Variants in SYNE1 observed in about 807,000 individuals in gnomAD.
The protein encoded by SYNE1 is nesprin-1.
A neutral mutation model predicts 1,111.0 loss-of-function variants in SYNE1; 616 were observed. The ratio of observed to expected loss-of-function variants is 0.55; its 90% confidence interval spans 0.52 to 0.59. The LOEUF (loss-of-function observed/expected upper bound fraction) is 0.59, where lower values mean the gene tolerates loss of function less well. SYNE1 is among the 20% of genes least tolerant of loss of function. The pLI is 0.00. For synonymous variants in SYNE1, 3,855 were observed against 3,825.8 expected, an observed-to-expected ratio of 1.01 and a Z score of -0.28; for missense variants, 10,006 against 10,417.0, an observed-to-expected ratio of 0.96 and a Z score of 1.72.
intron 63 of SYNE1, among the ~76,000 whole-genome samples, chr6:152,363,532 AATAAATAAATATAAAAAT>A (rs1392987736): frequency 3.4e-5 from 5 of 147,088 alleles, no homozygotes; most frequent in Non-Finnish European, 7.6e-5. Flanking sequence ...TAAATAAATA[AATAAATAAATATAAAAAT>A]AAATAAATTC....
chr6:152,200,061 C>T (rs748648452), intron 127 of SYNE1, among the ~76,000 whole-genome samples: 4 of 152,204 alleles, frequency 2.6e-5, no homozygotes, highest in East Asian at 1.9e-4. Flanking sequence ...CTTTTCACAC[C>T]GATTTCTACC....
chr6:152,532,356 T>G (rs2099207400), intron 4 of SYNE1, among the ~76,000 whole-genome samples: 1 of 152,242 alleles, frequency 6.6e-6, no homozygotes, highest in Non-Finnish European at 1.5e-5. Flanking sequence ...AAATGGTTTT[T>G]ACTTTTGAGA....
intron 3 of SYNE1, among the ~76,000 whole-genome samples, chr6:152,581,002 T>A (rs1449104773): frequency 6.6e-6 from 1 of 152,218 alleles, no homozygotes; most frequent in East Asian, 1.9e-4. Flanking sequence ...CTTGGCTTCT[T>A]ATACAATGTG....
intron 101 of SYNE1, among the ~76,000 whole-genome samples, chr6:152,261,091 T>A (rs1294385404): frequency 6.6e-6 from 1 of 152,164 alleles, no homozygotes; most frequent in South Asian, 2.1e-4. Context: ...ATTGACACCC[T>A]TTGCTTCTGG....
intron 132 of SYNE1, chr6:152,155,482 T>G (rs750845275): frequency 2.0e-4 from 61 of 312,460 alleles, no homozygotes; most frequent in Non-Finnish European, 3.6e-4. Context: ...TATTAAGCTT[T>G]CAACAGTTTA....
chr6:152,309,956 C>A lies in SYNE1; in HGVS notation c.17081G>T (p.Ser5694Ile), dbSNP rs2095498288. The A allele has an allele frequency of 6.2e-7, 1 of 1,614,016 alleles. No homozygotes were observed. Among genetic ancestry groups the A allele is most frequent in the African/African-American group, 1.3e-5 (1 of 74,912 alleles). Residue 5694 changes from serine (S) to isoleucine (I), a missense_variant, in exon 90 of 146, where the codon AGT becomes ATT. Transcript: ENST00000367255. ...CACATCCTCGGGGATCCGGAGGGCA[C>A]TCTGGCAGAGCTGCACTGCTTGCAC... ...PKVQAVQLCQSALRIPEDVVA... is the reference protein window; with the variant it reads ...PKVQAVQLCQIALRIPEDVVA...
chr6:152,310,910 C>A, intron 87 of SYNE1, 37 bp from the exon 88 acceptor site: 1 of 1,596,088 alleles, frequency 6.3e-7, no homozygotes, highest in Non-Finnish European at 8.6e-7. Context: ...CATTGACGGG[C>A]AGGTAGAGGG....
At position 152,350,692 on chromosome 6, in the gene SYNE1, C is replaced by G. The variant is rs753931727; in HGVS notation, c.11659G>C (p.Val3887Leu). ...REKGEALLEL[V>L]QDVTLKDKID... ...TTGTCCTTTAAAGTGACGTCCTGCACCAGTTCCAAAAGAGCTTCACCCTTC... is the reference window on the plus strand; with the variant it reads ...TTGTCCTTTAAAGTGACGTCCTGCAGCAGTTCCAAAAGAGCTTCACCCTTC... The change falls in exon 71 of 146, where the codon GTG becomes CTG. Residue 3887 changes from valine (V) to leucine (L), a missense_variant. This residue lies in a region of SYNE1 where 4,955 missense variants were observed against 5,017.2 expected (regional missense o/e 0.99). Coordinates refer to ENST00000367255, the MANE Select transcript of SYNE1 (RefSeq NM_182961.4). 6.8e-6 allele frequency: 11 copies of G among 1,613,990 alleles called. No individual in the cohort carries two copies. The highest frequency in any genetic ancestry group is 1.7e-5 in the Admixed American group (1 of 59,988).
intron 4 of SYNE1, among the ~76,000 whole-genome samples, chr6:152,531,571 T>A (rs1166569279): frequency 6.6e-6 from 1 of 152,208 alleles, no homozygotes; most frequent in Non-Finnish European, 1.5e-5. Flanking sequence ...TGTTAAATAT[T>A]TCCACATTAT....
At chr6:152,166,339 G>T (rs2673784) in intron 130 of SYNE1, among the ~76,000 whole-genome samples, 54,026 of 152,050 alleles carry the variant, frequency 0.36, 9,949 homozygotes, top group Middle Eastern at 0.45. Context: ...TATTCTAAGC[G>T]AATTGTGTTT....
chr6:152,463,435 T>C lies in SYNE1; in HGVS notation c.2015A>G (p.Asp672Gly), dbSNP rs761000192. The C allele has an allele frequency of 6.2e-7, 1 of 1,613,758 alleles. No homozygotes were observed. Among genetic ancestry groups the C allele is most frequent in the Non-Finnish European group, 8.5e-7 (1 of 1,179,790 alleles). ...CTTCAGGTCACGGGAAACCATCTCA[T>C]CACAGGTTTCAATTAGAAAATTGCC... is the stretch of plus-strand genomic sequence containing the variant. Reference protein sequence around the residue: ...DAGNFLIETCDEMVSRDLKQQ... With the variant: ...DAGNFLIETCGEMVSRDLKQQ... The change falls in exon 19 of 146, where the codon GAT (aspartate) becomes GGT (glycine). Residue 672 changes from aspartate (D) to glycine (G), a missense_variant. By Grantham distance (94) the Asp-to-Gly change is moderately conservative. Transcript: ENST00000367255.
intron 56 of SYNE1, among the ~76,000 whole-genome samples, 157 bp downstream of exon 56, chr6:152,380,849 A>T (rs577026167): frequency 6.6e-6 from 1 of 152,382 alleles, no homozygotes; most frequent in African/African-American, 2.4e-5. Flanking sequence ...TAAGAAAAGG[A>T]AACAAATCAG....
intron 3 of SYNE1, among the ~76,000 whole-genome samples, chr6:152,599,027 T>A (rs144348954): frequency 8.3e-4 from 126 of 152,336 alleles, no homozygotes; most frequent in African/African-American, 2.9e-3. Context: ...AACAAACATC[T>A]GGATTTAATT....
In SYNE1 at chr6:152,284,043, T is replaced by C. The variant is rs775584621; in HGVS notation, c.18142A>G (p.Thr6048Ala). The change falls in exon 96 of 146, where the codon ACT becomes GCT. Residue 6048 changes from threonine (T) to alanine (A), a missense_variant. By Grantham distance (58) the Thr-to-Ala change is moderately conservative (BLOSUM62 0). Transcript: ENST00000367255. Reference sequence around the variant, plus strand: ...GTGGACATTCGCTCGGCTAAGACAGTGAGCGTGGACTGCAAGGCCAGCTGC... The same window carrying C: ...GTGGACATTCGCTCGGCTAAGACAGCGAGCGTGGACTGCAAGGCCAGCTGC... ...AEQLALQSTLTVLAERMSTIR... is the reference protein window; with the variant it reads ...AEQLALQSTLAVLAERMSTIR... The C allele has an allele frequency of 6.2e-7, 1 of 1,614,234 alleles. No individual in the cohort carries two copies. Among genetic ancestry groups the C allele is most frequent in the East Asian group, 2.2e-5 (1 of 44,890 alleles).
Position 152,239,675 on chromosome 6 carries a change from A to G in SYNE1, c.19925T>C (p.Ile6642Thr). The G allele has an allele frequency of 6.2e-7, 1 of 1,614,202 alleles. No homozygotes were observed. Among genetic ancestry groups the G allele is most frequent in the African/African-American group, 1.3e-5 (1 of 75,060 alleles). The change falls in exon 108 of 146, where the codon ATC becomes ACC. Residue 6642 changes from isoleucine to threonine, a missense_variant. By Grantham distance (89) the Ile-to-Thr change is moderately conservative (BLOSUM62 -1). Coordinates refer to ENST00000367255, the MANE Select transcript of SYNE1 (RefSeq NM_182961.4). ...EYFQGLESHM[I>T]LTETLFRKII... ...CTTTCTGAAGAGTGTTTCAGTCAAG[A>G]TCATATGAGATTCCAGGCCCTGAAA...
At chr6:152,170,831 CATCTT>C (rs887385279) in intron 130 of SYNE1, among the ~76,000 whole-genome samples, 5 of 152,176 alleles carry the variant, frequency 3.3e-5, no homozygotes, top group African/African-American at 1.2e-4. Context: ...ACCCAAATCT[CATCTT>C]GACTTGTAGC....
At chr6:152,193,891 T>C (rs899578434) in intron 127 of SYNE1, among the ~76,000 whole-genome samples, 8 of 151,520 alleles carry the variant, frequency 5.3e-5, no homozygotes, top group Non-Finnish European at 8.8e-5. Context: ...TGGGTGCCTG[T>C]AGTCCCAGCT....
At chr6:152,338,577 C>T (rs899401853) in intron 75 of SYNE1, among the ~76,000 whole-genome samples, 4 of 152,156 alleles carry the variant, frequency 2.6e-5, no homozygotes, top group East Asian at 1.9e-4. Context: ...GTGATGATAA[C>T]GCCACTGCAC....
intron 81 of SYNE1, among the ~76,000 whole-genome samples, chr6:152,324,312 T>A (rs1376705634): frequency 1.3e-5 from 2 of 151,610 alleles, no homozygotes; most frequent in African/African-American, 2.4e-5. Context: ...GGCAGGAGAA[T>A]TGCTTGAACC....
Sources: gnomAD v4.1 joint callset for allele counts (sites outside exome capture counted in the v4.1 genomes callset) on GRCh38, gnomAD v4.1.1 for gene constraint, gnomAD v4.1.1 regional missense constraint, MANE v1.5 for transcripts, NCBI Gene and HGNC (gene_info 2026-07-23, HGNC 2026-07-21) for gene names.